Variants in NECAB3 observed in about 807,000 individuals in gnomAD.
The protein encoded by NECAB3 is N-terminal EF-hand calcium-binding protein 3.
NECAB3 carries 38 observed loss-of-function variants against 57.2 expected under a neutral mutation model. The ratio of observed to expected loss-of-function variants is 0.66; its 90% CI spans 0.51 to 0.87. The LOEUF is 0.87. Ranked by LOEUF, NECAB3 falls within the 40% of genes least tolerant of loss-of-function variation. NECAB3 has a pLI of 0.00. For missense variants in NECAB3, 474 were observed against 527.5 expected (o/e 0.90, Z 0.99); for synonymous variants, 223 against 222.6 (o/e 1.00, Z -0.02).
chr20:33,667,683 G>A lies in NECAB3; in HGVS notation c.387+1692C>T, dbSNP rs201625301. On this transcript the variant is annotated intron_variant, in intron 5 of 11. Transcript: ENST00000246190. ...GCTACCTGCGGGATCTGCTGGTGGCGGCGAACCCTGACCTCTTGCAGCAGG... is the reference window on the plus strand; with the variant it reads ...GCTACCTGCGGGATCTGCTGGTGGCAGCGAACCCTGACCTCTTGCAGCAGG... 1.1e-4 allele frequency: 182 copies of A among 1,611,846 alleles called. No homozygotes were observed. The East Asian group carries it at 3.6e-3, about 32-fold the overall frequency.
At chr20:33,658,248 GCCT>G (rs2017347321) in intron 10 of NECAB3, among the ~76,000 whole-genome samples, 1 of 152,178 alleles carries the variant, frequency 6.6e-6, no homozygotes, top group Non-Finnish European at 1.5e-5. Context: ...TTCACTGAGT[GCCT>G]CCTGTGTCCC....
chr20:33,668,403 C>A, intron 5 of NECAB3: 1 of 902,926 alleles, frequency 1.1e-6, no homozygotes, highest in South Asian at 3.1e-5. Context: ...ATGGGACCCT[C>A]ATTTTGAACT....
intron 5 of NECAB3, among the ~76,000 whole-genome samples, chr20:33,665,801 T>G (rs11907366): frequency 0.039 from 5,993 of 152,198 alleles, 384 homozygotes; most frequent in African/African-American, 0.14. Context: ...AACTGAGTCT[T>G]GCTGGGTGCG....
At chr20:33,666,931 G>C (rs2017672402) in intron 5 of NECAB3, 1 of 152,812 alleles carries the variant, frequency 6.5e-6, no homozygotes, top group Admixed American at 6.5e-5. Flanking sequence ...GTGGTGATTT[G>C]GTCCAGAAGA....
At chr20:33,663,637 C>T (rs2122484534) in intron 5 of NECAB3, 1 of 1,607,198 alleles carries the variant, frequency 6.2e-7, no homozygotes, top group Non-Finnish European at 8.5e-7. Context: ...CCCGGCGGCA[C>T]CCAGATTGCG....
intron 5 of NECAB3, chr20:33,662,277 G>C: frequency 6.5e-7 from 1 of 1,530,904 alleles, no homozygotes; most frequent in East Asian, 2.5e-5. Context: ...AGGTCACAAT[G>C]TTGCCAGGGC....
At position 33,670,721 on chromosome 20, in the gene NECAB3, G is replaced by A; in HGVS notation, c.226C>T (p.Gln76Ter). Residue 76 changes from glutamine to a stop codon, truncating the protein, a stop_gained, in exon 3 of 12, where the codon CAG (glutamine) becomes TAG (stop). Transcript: ENST00000246190. LOFTEE classifies it high-confidence loss of function. ...ADGVLSLGEL[Q>*]ELFSGIDGHL... is the part of the protein sequence containing the mutation. ...CCATCAATGCCGCTGAACAGTTCCT[G>A]CAGCTCCCCCAGGCTGAGAACCCCA... 1 of 1,614,080 alleles carries A rather than the reference G, an allele frequency of 6.2e-7. No individual in the cohort carries two copies. The highest frequency in any genetic ancestry group is 8.5e-7 in the Non-Finnish European group (1 of 1,179,982).
chr20:33,660,655 G>A lies in NECAB3; in HGVS notation c.388-260C>T, dbSNP rs41290880. Among the ~76,000 whole-genome samples, 2,329 of 152,296 alleles carry A rather than the reference G, an allele frequency of 0.015. 25 individuals carry two copies. Among genetic ancestry groups the A allele is most frequent in the Non-Finnish European group, 0.025 (1,712 of 68,018 alleles). On this transcript the variant is annotated intron_variant, in intron 5 of 11. Coordinates refer to ENST00000246190, the MANE Select transcript of NECAB3 (RefSeq NM_031232.4). The surrounding 1 kb of genome is among the most constrained non-coding windows in gnomAD (Gnocchi z 4.1). Reference sequence around the variant, plus strand: ...GCCCAGCGAAGTGCCTGGCCTCTCTGGACCTCATGGCCCCTTCCCTGATGG... The same window carrying A: ...GCCCAGCGAAGTGCCTGGCCTCTCTAGACCTCATGGCCCCTTCCCTGATGG...
At chr20:33,664,106 G>C (rs1043728550) in intron 5 of NECAB3, 5 of 458,908 alleles carry the variant, frequency 1.1e-5, no homozygotes, top group Non-Finnish European at 1.9e-5. Flanking sequence ...TGCTACAGTG[G>C]CGGGAGGCAG....
intron 5 of NECAB3, chr20:33,667,978 G>C (rs1274667444): frequency 4.5e-6 from 7 of 1,549,036 alleles, no homozygotes; most frequent in African/African-American, 1.4e-5. Flanking sequence ...ACGCCTGGCA[G>C]ACACCGTGGT....
intron 5 of NECAB3, chr20:33,662,145 G>A (rs1447759943): frequency 6.4e-6 from 4 of 624,414 alleles, no homozygotes; most frequent in East Asian, 6.1e-5. Context: ...CCTCATTTAT[G>A]ATCATTAGCC....
chr20:33,661,511 G>A (rs996376334), intron 5 of NECAB3, among the ~76,000 whole-genome samples: 1 of 152,202 alleles, frequency 6.6e-6, no homozygotes, highest in Non-Finnish European at 1.5e-5. Flanking sequence ...TCTCAGACAG[G>A]CCAGGGTTTC....
At position 33,674,286 on chromosome 20, in the gene NECAB3, TCTGGGG is replaced by T. The variant is rs1378050279; in HGVS notation, c.61_66del (p.Pro21_Gln22del). Reference sequence around the variant, plus strand: ...GGCGCGAGCTGGGGGTGCCGCGGGGTCTGGGGCTGGGGCTGGGGCGCGGGCGGCCGG... The same window carrying T: ...GGCGCGAGCTGGGGGTGCCGCGGGGTCTGGGGCTGGGGCGCGGGCGGCCGG... On this transcript the variant is annotated inframe_deletion, in exon 1 of 12. Transcript: ENST00000246190. The T allele has an allele frequency of 4.4e-5, 54 of 1,226,968 alleles. No individual in the cohort carries two copies. The highest frequency in any genetic ancestry group is 7.8e-5 in the African/African-American group (5 of 63,880). The allele number at this position is 1,226,968 out of a possible 1,614,324, so 76.0% of individuals were successfully genotyped here.
chr20:33,670,668 C>A lies in NECAB3; in HGVS notation c.263+16G>T. On this transcript the variant is annotated intron_variant, in intron 3 of 11. Coordinates refer to ENST00000246190, the MANE Select transcript of NECAB3 (RefSeq NM_031232.4). Reference sequence around the variant, plus strand: ...ACCTGGCCTCGCATCTACCCACGGCCCCCTCTCATACTCACTCGGTGAGAT... The same window carrying A: ...ACCTGGCCTCGCATCTACCCACGGCACCCTCTCATACTCACTCGGTGAGAT... The A allele has an allele frequency of 2.5e-6, 4 of 1,584,926 alleles. No individual in the cohort carries two copies. The highest frequency in any genetic ancestry group is 3.5e-6 in the Non-Finnish European group (4 of 1,157,108).
chr20:33,672,507 G>A (rs2017848793), intron 1 of NECAB3, 85 bp from the exon 2 acceptor site: 3 of 1,539,920 alleles, frequency 1.9e-6, no homozygotes, highest in South Asian at 1.1e-5. Flanking sequence ...GGTCCCAGCT[G>A]GCCGACCTAC....
chr20:33,667,978 GAC>G, intron 5 of NECAB3: 1 of 1,549,154 alleles, frequency 6.5e-7, no homozygotes, highest in Non-Finnish European at 8.7e-7. Flanking sequence ...ACGCCTGGCA[GAC>G]ACCGTGGTGC....
chr20:33,658,474 T>C lies in NECAB3; in HGVS notation c.1070+3A>G, dbSNP rs558102169. 8.1e-6 allele frequency: 13 copies of C among 1,613,770 alleles called. No homozygotes were observed. In the South Asian group the frequency reaches 8.8e-5, roughly 11 times the overall value. On this transcript the variant is annotated splice_donor_region_variant and intron_variant, in intron 10 of 11. Coordinates refer to ENST00000246190, the MANE Select transcript of NECAB3 (RefSeq NM_031232.4). ...GTGTTAGCGGCCAGACTGGCACTCA[T>C]ACCTTCTCCAGGAGGCCTCATCCTG...
intron 5 of NECAB3, chr20:33,662,268 G>A (rs2017500170): frequency 6.6e-7 from 1 of 1,522,844 alleles, no homozygotes; most frequent in South Asian, 1.2e-5. Flanking sequence ...CAGCCCGTGA[G>A]GTCACAATGT....
In NECAB3 at chr20:33,657,859, T is replaced by TGGGGGTCAGAGGCA; in HGVS notation, c.1163-16_1163-3dup. Reference sequence around the variant, plus strand: ...TGTTATTCATTATCCACCAGGAGGCTGGGGGTCAGAGGCAGGGGGTCAGGA... The same window carrying TGGGGGTCAGAGGCA: ...TGTTATTCATTATCCACCAGGAGGCTGGGGGTCAGAGGCAGGGGGTCAGAGGCAGGGGGTCAGGA... On this transcript the variant is annotated splice_region_variant and splice_polypyrimidine_tract_variant and intron_variant, in intron 11 of 11. Transcript: ENST00000246190. 6.5e-7 allele frequency: 1 copy of TGGGGGTCAGAGGCA among 1,543,808 alleles called. No individual in the cohort carries two copies.
Sources: allele counts gnomAD v4.1 joint callset (sites outside exome capture counted in the v4.1 genomes callset), GRCh38; gene constraint gnomAD v4.1.1; non-coding constraint Gnocchi (gnomAD v3.1); transcripts MANE v1.5; gene names NCBI Gene and HGNC (gene_info 2026-07-23, HGNC 2026-07-21).